ADGRG7: variants seen among roughly 807,000 people sequenced by gnomAD.
The protein encoded by ADGRG7 is adhesion G protein-coupled receptor G7, also known as G-protein coupled receptor 128.
ADGRG7 carries 82 observed loss-of-function variants against 88.6 expected under a neutral mutation model. That is an observed-to-expected ratio of 0.93 (90% confidence interval 0.77 to 1.11). The LOEUF (loss-of-function observed/expected upper bound fraction) is 1.11. Among genes scored for constraint, ADGRG7 ranks in the 50% most tolerant of loss-of-function variants. The pLI, the probability that ADGRG7 is intolerant of heterozygous loss-of-function variation, is 0.00. For synonymous variants in ADGRG7, 381 were observed against 345.2 expected (o/e 1.10, Z -1.15); for missense variants, 945 against 953.4 (o/e 0.99, Z 0.12).
chr3:100,687,006 C>T (rs1206246568), intron 15 of ADGRG7, among the ~76,000 whole-genome samples: 1 of 152,082 alleles, frequency 6.6e-6, no homozygotes, highest in Admixed American at 6.5e-5. Context: ...TTCTTCCTAC[C>T]CATGAGCATG....
At chr3:100,621,556 A>G (rs1013249120) in intron 1 of ADGRG7, among the ~76,000 whole-genome samples, 1 of 152,220 alleles carries the variant, frequency 6.6e-6, no homozygotes, top group Non-Finnish European at 1.5e-5. Context: ...TTTCAATTCT[A>G]TGGAGGCTGA....
At chr3:100,618,042 C>T (rs139246943) in intron 1 of ADGRG7, among the ~76,000 whole-genome samples, 40,196 of 151,970 alleles carry the variant, frequency 0.26, 6,035 homozygotes, top group Non-Finnish European at 0.35. Context: ...TCATATCCTT[C>T]GCTCGCTTTT....
chr3:100,659,934 C>A, intron 14 of ADGRG7, 91 bp downstream of exon 14: 1 of 1,227,912 alleles, frequency 8.1e-7, no homozygotes, highest in Non-Finnish European at 1.1e-6. Flanking sequence ...CAGAAGCTTT[C>A]AAACTGAGAC....
chr3:100,641,177 A>T (rs1414482433), intron 6 of ADGRG7, among the ~76,000 whole-genome samples: 1 of 152,226 alleles, frequency 6.6e-6, no homozygotes, highest in African/African-American at 2.4e-5. Context: ...GTTTAAGGAC[A>T]GCTGCCTGGG....
At position 100,633,802 on chromosome 3, in the gene ADGRG7, G is replaced by A. The variant is rs144288632; in HGVS notation, c.447+425G>A. Among the ~76,000 whole-genome samples, 1,169 of 152,218 alleles carry A rather than the reference G, an allele frequency of 7.7e-3. 12 individuals carry two copies. Among genetic ancestry groups the A allele is most frequent in the African/African-American group, 0.016 (652 of 41,536 alleles). ...CTCCCGAAGTGCAGGGATTACAGGC[G>A]TAGTAAGTAAGCCACCACACCTGGC... is the stretch of plus-strand genomic sequence containing the variant. On this transcript the variant is annotated intron_variant, in intron 4 of 15. Coordinates refer to ENST00000273352, the MANE Select transcript of ADGRG7 (RefSeq NM_032787.3).
chr3:100,646,201 G>C, intron 9 of ADGRG7, 93 bp downstream of exon 9: 1 of 220,134 alleles, frequency 4.5e-6, no homozygotes, highest in South Asian at 4.3e-5. Flanking sequence ...TACAGGGGAA[G>C]AAGAGAATAG....
At chr3:100,644,075 A>G (rs924122958) in intron 8 of ADGRG7, among the ~76,000 whole-genome samples, 2 of 152,170 alleles carry the variant, frequency 1.3e-5, no homozygotes, top group African/African-American at 4.8e-5. Context: ...TAGTAGTATC[A>G]ATTTTAGGTT....
At chr3:100,626,198 T>C (rs1245037361) in intron 1 of ADGRG7, among the ~76,000 whole-genome samples, 1 of 152,242 alleles carries the variant, frequency 6.6e-6, no homozygotes, top group Non-Finnish European at 1.5e-5. Flanking sequence ...AGCTCGTTAT[T>C]GACCTATTCA....
chr3:100,662,518 A>G (rs2094946819), intron 14 of ADGRG7, among the ~76,000 whole-genome samples: 1 of 151,974 alleles, frequency 6.6e-6, no homozygotes, highest in South Asian at 2.1e-4. Flanking sequence ...ACTATTAAAA[A>G]CTCAGCCATT....
At chr3:100,630,398 G>A (rs1707444228) in intron 2 of ADGRG7, among the ~76,000 whole-genome samples, 1 of 152,078 alleles carries the variant, frequency 6.6e-6, no homozygotes, top group African/African-American at 2.4e-5. Context: ...GACCACTATA[G>A]GCTCTATATT....
chr3:100,638,961 A>G (rs1707591985), intron 6 of ADGRG7, among the ~76,000 whole-genome samples: 1 of 150,848 alleles, frequency 6.6e-6, no homozygotes, highest in Non-Finnish European at 1.5e-5. Context: ...AAATTATCTT[A>G]CCTTTATTAA....
intron 15 of ADGRG7, among the ~76,000 whole-genome samples, chr3:100,671,345 G>A (rs916267397): frequency 3.9e-5 from 6 of 152,170 alleles, no homozygotes; most frequent in Admixed American, 6.5e-5. Flanking sequence ...GTTCATAAAT[G>A]TCTTCCTTTG....
chr3:100,665,952 G>A (rs933984335), intron 14 of ADGRG7, among the ~76,000 whole-genome samples: 1 of 152,132 alleles, frequency 6.6e-6, no homozygotes, highest in African/African-American at 2.4e-5. Flanking sequence ...AAACTTAATG[G>A]TGAAAAATGA....
At chr3:100,640,618 T>C (rs137904585) in intron 6 of ADGRG7, among the ~76,000 whole-genome samples, 3,540 of 152,140 alleles carry the variant, frequency 0.023, 109 homozygotes, top group African/African-American at 0.069. Flanking sequence ...GCCTCCCAAG[T>C]TCAAGCAATT....
chr3:100,616,529 G>T (rs1471694174), intron 1 of ADGRG7, among the ~76,000 whole-genome samples: 1 of 152,128 alleles, frequency 6.6e-6, no homozygotes, highest in Non-Finnish European at 1.5e-5. Context: ...AAATCATTAA[G>T]GTGCTGAGCA....
chr3:100,632,895 C>G (rs1380022355), intron 3 of ADGRG7, among the ~76,000 whole-genome samples: 1 of 152,164 alleles, frequency 6.6e-6, no homozygotes, highest in Non-Finnish European at 1.5e-5. Context: ...AACTCTTTGC[C>G]TTTCAGCTGT....
Position 100,688,112 on chromosome 3 carries a change from G to T in ADGRG7, c.2137-6632G>T, listed in dbSNP as rs895303525. ...CTTCCTGGTTTAGTCTTGGGAGAGTGTATGTGTCGAGGAATTTATCCATTT... is the reference window on the plus strand; with the variant it reads ...CTTCCTGGTTTAGTCTTGGGAGAGTTTATGTGTCGAGGAATTTATCCATTT... On this transcript the variant is annotated intron_variant, in intron 15 of 15. Transcript: ENST00000273352. Among the ~76,000 whole-genome samples, 121 of 152,258 alleles carry T rather than the reference G, an allele frequency of 7.9e-4. 1 individual carries two copies. The Middle Eastern group carries it at 0.01, about 13-fold the overall frequency.
At chr3:100,630,340 T>G (rs558104130) in intron 2 of ADGRG7, among the ~76,000 whole-genome samples, 1 of 152,316 alleles carries the variant, frequency 6.6e-6, no homozygotes, top group Non-Finnish European at 1.5e-5. Context: ...ATCCCACAGA[T>G]CCCATGAATT....
At chr3:100,670,951 T>C (rs879047090) in intron 15 of ADGRG7, among the ~76,000 whole-genome samples, 6 of 152,362 alleles carry the variant, frequency 3.9e-5, no homozygotes, top group East Asian at 1.9e-4. Context: ...CAGTCTATCA[T>C]TGATGGGCAT....
Sources: gnomAD v4.1 joint callset for allele counts (sites outside exome capture counted in the v4.1 genomes callset) on GRCh38, gnomAD v4.1.1 for gene constraint, MANE v1.5 for transcripts, NCBI Gene and HGNC (gene_info 2026-07-23, HGNC 2026-07-21) for gene names.